APBB1IP: variants seen among roughly 807,000 people sequenced by gnomAD.
APBB1IP encodes the protein amyloid beta A4 precursor protein-binding family B member 1-interacting protein.
APBB1IP carries 27 observed loss-of-function variants against 64.9 expected under a neutral mutation model. The observed-to-expected ratio is 0.42, with a 90% confidence interval of 0.31 to 0.57. The LOEUF is 0.57. Among genes scored for constraint, APBB1IP ranks in the 20% least tolerant of loss-of-function variants. APBB1IP has a pLI of 0.20. For missense variants in APBB1IP, 812 were observed against 845.5 expected (o/e 0.96, Z 0.49); for synonymous variants, 392 against 331.0 (o/e 1.18, Z -2.00).
intron 11 of APBB1IP, among the ~76,000 whole-genome samples, chr10:26,547,697 G>A (rs1488950560): frequency 1.3e-5 from 2 of 152,030 alleles, no homozygotes; most frequent in African/African-American, 4.8e-5. Flanking sequence ...CGCCTACCTC[G>A]GCCTCTCAAA....
chr10:26,469,781 G>A (rs888910507), intron 2 of APBB1IP, among the ~76,000 whole-genome samples: 1 of 152,070 alleles, frequency 6.6e-6, no homozygotes, highest in Non-Finnish European at 1.5e-5. Flanking sequence ...CCCCACTCTA[G>A]TGGTCCCCAA....
chr10:26,449,874 G>A (rs1469633002), intron 2 of APBB1IP, among the ~76,000 whole-genome samples: 1 of 152,078 alleles, frequency 6.6e-6, no homozygotes, highest in Non-Finnish European at 1.5e-5. Flanking sequence ...AGACATGGTG[G>A]CATTCTCCTG....
At chr10:26,447,595 A>T (rs1369512959) in intron 2 of APBB1IP, among the ~76,000 whole-genome samples, 1 of 152,202 alleles carries the variant, frequency 6.6e-6, no homozygotes, top group African/African-American at 2.4e-5. Flanking sequence ...TGAGTCAAAT[A>T]CTGAGGCGCT....
chr10:26,536,590 TTTC>T (rs1017988790), intron 10 of APBB1IP, among the ~76,000 whole-genome samples: 1 of 111,980 alleles, frequency 8.9e-6, no homozygotes, highest in African/African-American at 4.2e-5. Flanking sequence ...TAAGATTTTC[TTTC>T]TTTTTTTTTT....
chr10:26,439,606 G>A (rs567532008), intron 2 of APBB1IP, among the ~76,000 whole-genome samples: 1 of 152,038 alleles, frequency 6.6e-6, no homozygotes, highest in East Asian at 1.9e-4. Context: ...TTACTTTCCT[G>A]CTAAGGTATT....
At chr10:26,561,407 G>T (rs1299972051) in intron 13 of APBB1IP, among the ~76,000 whole-genome samples, 2 of 116,186 alleles carry the variant, frequency 1.7e-5, no homozygotes, top group Non-Finnish European at 1.9e-5. Flanking sequence ...TTTTTTTTTG[G>T]AGGTAAGGTC....
At chr10:26,441,056 G>A (rs566644026) in intron 2 of APBB1IP, among the ~76,000 whole-genome samples, 1 of 152,194 alleles carries the variant, frequency 6.6e-6, no homozygotes, top group Non-Finnish European at 1.5e-5. Context: ...TTTATATTAT[G>A]GAGACTACGG....
chr10:26,474,134 TCACAAAACA>T (rs1835750247), intron 2 of APBB1IP, among the ~76,000 whole-genome samples: 1 of 152,008 alleles, frequency 6.6e-6, no homozygotes, highest in Admixed American at 6.6e-5. Flanking sequence ...TAGAAACAAC[TCACAAAACA>T]ACTACCAGTT....
At chr10:26,461,006 G>A (rs1375220411) in intron 2 of APBB1IP, among the ~76,000 whole-genome samples, 1 of 152,044 alleles carries the variant, frequency 6.6e-6, no homozygotes, top group African/African-American at 2.4e-5. Flanking sequence ...ACTAATCACA[G>A]GTAGAATCCT....
intron 2 of APBB1IP, among the ~76,000 whole-genome samples, chr10:26,469,481 C>T (rs748156441): frequency 2.8e-4 from 43 of 152,220 alleles, no homozygotes; most frequent in Admixed American, 7.2e-4. Context: ...AAACTCCCAA[C>T]CTCATGTGAT....
intron 2 of APBB1IP, among the ~76,000 whole-genome samples, chr10:26,464,783 T>C (rs1835629950): frequency 6.6e-6 from 1 of 152,194 alleles, no homozygotes; most frequent in Non-Finnish European, 1.5e-5. Flanking sequence ...TTAAGTAAGT[T>C]ACTCAACATC....
chr10:26,459,749 T>G (rs956318993), intron 2 of APBB1IP, among the ~76,000 whole-genome samples: 1 of 152,216 alleles, frequency 6.6e-6, no homozygotes, highest in Non-Finnish European at 1.5e-5. Flanking sequence ...TTTTCATTAT[T>G]GTTGTATCTT....
chr10:26,445,997 T>C (rs1316164268), intron 2 of APBB1IP, among the ~76,000 whole-genome samples: 1 of 152,240 alleles, frequency 6.6e-6, no homozygotes, highest in Non-Finnish European at 1.5e-5. Context: ...TACCACCTAG[T>C]AGAACTGTGT....
chr10:26,441,816 C>T (rs1163556468), intron 2 of APBB1IP, among the ~76,000 whole-genome samples: 1 of 152,202 alleles, frequency 6.6e-6, no homozygotes, highest in Non-Finnish European at 1.5e-5. Context: ...TATTTTCTTT[C>T]TTCTCTGTCA....
Position 26,459,948 on chromosome 10 carries a change from A to G in APBB1IP, c.-1+21095A>G, listed in dbSNP as rs536481359. On this transcript the variant is annotated intron_variant, in intron 2 of 14. Coordinates refer to ENST00000376236, the MANE Select transcript of APBB1IP (RefSeq NM_019043.4). ...ATTTATTACCATTGCTAAGGTCATA[A>G]TTTTGTAAGCCAAATTTTTACTATT... 5.3e-4 allele frequency among the ~76,000 whole-genome samples: 81 copies of G among 152,286 alleles called. 1 individual carries two copies. The South Asian group carries it at 0.016, about 30-fold the overall frequency.
intron 2 of APBB1IP, among the ~76,000 whole-genome samples, chr10:26,455,005 A>G (rs1476281620): frequency 1.3e-5 from 2 of 152,168 alleles, no homozygotes; most frequent in African/African-American, 4.8e-5. Context: ...TGAGGGAACA[A>G]TTTCATTTTT....
intron 8 of APBB1IP, 114 bp downstream of exon 8, chr10:26,513,774 G>C (rs79938092): frequency 7.7e-7 from 1 of 1,292,098 alleles, no homozygotes; most frequent in Non-Finnish European, 1.1e-6. Flanking sequence ...ACGGAGTCTC[G>C]AAGGCTGGAG....
chr10:26,459,904 A>T (rs569308757), intron 2 of APBB1IP, among the ~76,000 whole-genome samples: 3 of 152,186 alleles, frequency 2.0e-5, no homozygotes, highest in Non-Finnish European at 4.4e-5. Context: ...CCTATTAATC[A>T]GTCAAATATA....
In APBB1IP at chr10:26,513,538, G is replaced by A. The variant is rs1836287056; in HGVS notation, c.692-1G>A. The A allele has an allele frequency of 1.2e-6, 2 of 1,611,904 alleles. No individual in the cohort carries two copies. The highest frequency in any genetic ancestry group is 1.7e-5 in the Admixed American group (1 of 59,494). ...AAGAATACCTTTTCTTATTTCATCA[G>A]AGAGGTTTTTTGAAGACCATGAAAA... On this transcript the variant is annotated splice_acceptor_variant, in intron 7 of 14. Transcript: ENST00000376236. LOFTEE classifies it high-confidence loss of function.
Sources: allele counts gnomAD v4.1 joint callset (sites outside exome capture counted in the v4.1 genomes callset), GRCh38; gene constraint gnomAD v4.1.1; transcripts MANE v1.5; gene names NCBI Gene and HGNC (gene_info 2026-07-23, HGNC 2026-07-21).